FHIT: variants seen among roughly 807,000 people sequenced by gnomAD.
The protein encoded by FHIT is fragile histidine triad diadenosine triphosphatase, also known as bis(5'-adenosyl)-triphosphatase.
Under a neutral mutation model 17.9 loss-of-function variants are expected in FHIT, and 19 were observed. That is an observed-to-expected ratio of 1.06 (90% CI 0.74 to 1.56). The LOEUF is 1.56. Among genes scored for constraint, FHIT ranks in the 40% most tolerant of loss-of-function variants. FHIT has a pLI of 0.00. For synonymous variants in FHIT, 81 were observed against 69.7 expected, an observed-to-expected ratio of 1.16 and a Z score of -0.81; for missense variants, 248 against 189.2, an observed-to-expected ratio of 1.31 and a Z score of -1.82.
intron 4 of FHIT, among the ~76,000 whole-genome samples, chr3:60,763,364 C>T (rs774545827): frequency 1.4e-4 from 21 of 152,254 alleles, no homozygotes; most frequent in South Asian, 1.0e-3. Context: ...AGTTCAAAAA[C>T]GCATGAGGAA....
At chr3:60,873,792 TGC>T (rs1553755641) in intron 3 of FHIT, among the ~76,000 whole-genome samples, 2 of 152,318 alleles carry the variant, frequency 1.3e-5, no homozygotes, top group African/African-American at 4.8e-5. Context: ...AGCTAATGTG[TGC>T]CTCCCATTTC....
intron 5 of FHIT, among the ~76,000 whole-genome samples, chr3:60,515,999 C>CCA (rs1218520182): frequency 6.6e-6 from 1 of 152,078 alleles, no homozygotes; most frequent in African/African-American, 2.4e-5. Flanking sequence ...TTTAAGTGAA[C>CCA]ACTCAAGTTG....
At chr3:60,530,671 G>A (rs1448549853) in intron 5 of FHIT, among the ~76,000 whole-genome samples, 1 of 152,150 alleles carries the variant, frequency 6.6e-6, no homozygotes, top group South Asian at 2.1e-4. Flanking sequence ...CAGCTGGTAT[G>A]TGAGATAAAA....
intron 7 of FHIT, among the ~76,000 whole-genome samples, chr3:60,000,686 T>A (rs1699694841): frequency 6.7e-6 from 1 of 150,042 alleles, no homozygotes. Context: ...GCTTAGAAAC[T>A]AAAAAAAAAA....
intron 7 of FHIT, among the ~76,000 whole-genome samples, chr3:59,967,156 G>T (rs1004643543): frequency 2.0e-5 from 3 of 152,036 alleles, no homozygotes; most frequent in African/African-American, 7.2e-5. Context: ...GCCTTCAGGG[G>T]CACTCACCAT....
chr3:60,163,412 G>A (rs1305435715), intron 5 of FHIT, among the ~76,000 whole-genome samples: 12 of 152,120 alleles, frequency 7.9e-5, no homozygotes, highest in Non-Finnish European at 1.5e-4. Flanking sequence ...TAAGGCCCTG[G>A]GTAGTCCACA....
intron 8 of FHIT, among the ~76,000 whole-genome samples, chr3:59,898,784 C>T (rs1704191884): frequency 6.6e-6 from 1 of 152,000 alleles, no homozygotes; most frequent in South Asian, 2.1e-4. Context: ...TTCTCACCGA[C>T]ATTAGTAAAA....
At chr3:61,084,530 T>C (rs1284140917) in intron 2 of FHIT, among the ~76,000 whole-genome samples, 1 of 152,222 alleles carries the variant, frequency 6.6e-6, no homozygotes, top group Non-Finnish European at 1.5e-5. Context: ...TCCTTTCATA[T>C]ATTAGGTCAT....
chr3:60,080,921 C>A (rs1277422582), intron 5 of FHIT: 1 of 152,110 alleles, frequency 6.6e-6, no homozygotes, highest in Non-Finnish European at 1.5e-5. Context: ...AAAGAGAGGG[C>A]TAGAGTTCTA....
intron 5 of FHIT, among the ~76,000 whole-genome samples, chr3:60,178,454 C>T (rs545822866): frequency 1.3e-4 from 20 of 152,012 alleles, no homozygotes; most frequent in African/African-American, 1.9e-4. Context: ...GGTGTTGTGG[C>T]GCACACCTGT....
chr3:60,668,656 G>T lies in FHIT; in HGVS notation c.-17-131677C>A, dbSNP rs1489667716. Among the ~76,000 whole-genome samples the T allele has an allele frequency of 2.1e-5, 3 of 145,810 alleles. No individual in the cohort carries two copies. In the East Asian group the frequency reaches 6.2e-4, roughly 30 times the overall value. On this transcript the variant is annotated intron_variant, in intron 4 of 9. Transcript: ENST00000492590. ...TTCTCACTGCAAGCTCCGCCTCCCAGGTTCACGCCATTCTCCTGCCTCAGC... is the reference window on the plus strand; with the variant it reads ...TTCTCACTGCAAGCTCCGCCTCCCATGTTCACGCCATTCTCCTGCCTCAGC...
At chr3:60,466,661 T>A (rs1189844102) in intron 5 of FHIT, among the ~76,000 whole-genome samples, 1 of 152,006 alleles carries the variant, frequency 6.6e-6, no homozygotes, top group Admixed American at 6.5e-5. Flanking sequence ...GTTCATATGA[T>A]GTATCATTGA....
chr3:60,223,535 C>G (rs1198007469), intron 5 of FHIT, among the ~76,000 whole-genome samples: 2 of 151,966 alleles, frequency 1.3e-5, no homozygotes, highest in African/African-American at 4.8e-5. Context: ...ACCCACCTTC[C>G]CTTCAATATT....
intron 4 of FHIT, among the ~76,000 whole-genome samples, chr3:60,760,605 A>G (rs1457375633): frequency 6.4e-5 from 6 of 93,294 alleles, no homozygotes; most frequent in African/African-American, 1.7e-4. Context: ...TAAAACGAAA[A>G]GTTTCTCTAC....
chr3:61,185,088 A>C (rs2038466207), intron 2 of FHIT, among the ~76,000 whole-genome samples: 1 of 152,224 alleles, frequency 6.6e-6, no homozygotes, highest in East Asian at 1.9e-4. Context: ...CCCACGAAGT[A>C]GGAAAAGGAT....
At chr3:59,964,255 G>C (rs1462604066) in intron 7 of FHIT, among the ~76,000 whole-genome samples, 1 of 152,066 alleles carries the variant, frequency 6.6e-6, no homozygotes, top group Non-Finnish European at 1.5e-5. Context: ...TTGCATGGAG[G>C]TATGAAAAAG....
chr3:60,668,352 G>A (rs2040427797), intron 4 of FHIT, among the ~76,000 whole-genome samples: 1 of 139,060 alleles, frequency 7.2e-6, no homozygotes, highest in Non-Finnish European at 1.5e-5. Context: ...TAGTTCCAGA[G>A]GGACATCCGC....
At chr3:60,904,902 G>T (rs1190427769) in intron 3 of FHIT, among the ~76,000 whole-genome samples, 2 of 144,822 alleles carry the variant, frequency 1.4e-5, no homozygotes, top group Admixed American at 7.1e-5. Flanking sequence ...TCACACCACT[G>T]CACTCCAGCC....
intron 2 of FHIT, among the ~76,000 whole-genome samples, chr3:61,065,852 T>C (rs1221794624): frequency 6.6e-6 from 1 of 152,196 alleles, no homozygotes; most frequent in Non-Finnish European, 1.5e-5. Flanking sequence ...ATGGCAGTTC[T>C]ACAGACCCAT....
Sources: allele counts gnomAD v4.1 joint callset (sites outside exome capture counted in the v4.1 genomes callset), GRCh38; gene constraint gnomAD v4.1.1; transcripts MANE v1.5; gene names NCBI Gene and HGNC (gene_info 2026-07-23, HGNC 2026-07-21).